PELO: variants seen among roughly 807,000 people sequenced by gnomAD.
The protein encoded by PELO is protein pelota homolog.
Under a neutral mutation model 25.9 loss-of-function variants are expected in PELO, and 19 were observed. That is an observed-to-expected ratio of 0.73 (90% CI 0.51 to 1.08). The LOEUF is 1.08. Among genes scored for constraint, PELO ranks in the 50% least tolerant of loss-of-function variants. PELO has a pLI of 0.00. For synonymous variants in PELO, 196 were observed against 192.2 expected, an observed-to-expected ratio of 1.02 and a Z score of -0.16; for missense variants, 498 against 491.4, an observed-to-expected ratio of 1.01 and a Z score of -0.13.
rs1748519626 is a variant in PELO at position 52,803,063 on chromosome 5, A to G, written c.*1223A>G. On this transcript the variant is annotated 3_prime_UTR_variant, in exon 3 of 3. Coordinates refer to ENST00000274311, the MANE Select transcript of PELO (RefSeq NM_015946.5). Reference sequence around the variant, plus strand: ...AGGAACGATCTAATAGTGATGATACAGTTTTTAACTGCTGGATCAGCGACG... The same window carrying G: ...AGGAACGATCTAATAGTGATGATACGGTTTTTAACTGCTGGATCAGCGACG... 6.6e-6 allele frequency: 1 copy of G among 152,218 alleles called. No homozygotes were observed. Among genetic ancestry groups the G allele is most frequent in the South Asian group, 2.1e-4 (1 of 4,836 alleles). 9.4% of individuals were successfully genotyped at this position (152,218 alleles called of 1,614,324 possible).
At position 52,800,400 on chromosome 5, in the gene PELO, G is replaced by A. The variant is rs1561211512; in HGVS notation, c.6G>A (p.Lys2=). The A allele has an allele frequency of 2.5e-6, 4 of 1,613,888 alleles. No individual in the cohort carries two copies. Among genetic ancestry groups the A allele is most frequent in the Non-Finnish European group, 3.4e-6 (4 of 1,180,016 alleles). M[K]LVRKNIEKDN... ...AGTGAGCCCCTTCCTTGGCCATGAAGCTCGTGAGGAAGAACATCGAGAAGG... is the reference window on the plus strand; with the variant it reads ...AGTGAGCCCCTTCCTTGGCCATGAAACTCGTGAGGAAGAACATCGAGAAGG... Residue 2 remains lysine (K), a synonymous_variant, in exon 2 of 3, where the codon AAG becomes AAA. Transcript: ENST00000274311.
At chr5:52,792,015 A>T (rs2111641609) in intron 1 of PELO, among the ~76,000 whole-genome samples, 1 of 152,312 alleles carries the variant, frequency 6.6e-6, no homozygotes, top group African/African-American at 2.4e-5. Context: ...TAGTTGTCTA[A>T]AATACTTGGA....
intron 1 of PELO, among the ~76,000 whole-genome samples, chr5:52,796,266 A>C (rs1318669845): frequency 1.2e-4 from 18 of 151,860 alleles, no homozygotes; most frequent in Non-Finnish European, 2.7e-4. Flanking sequence ...GAGACACTGG[A>C]AGTGTCTCAA....
At position 52,803,325 on chromosome 5, in the gene PELO, TGA is replaced by T. The variant is rs1748526038; in HGVS notation, c.*1487_*1488del. The T allele has an allele frequency of 1.3e-5, 1 of 79,354 alleles. No individual in the cohort carries two copies. The highest frequency in any genetic ancestry group is 3.5e-5 in the Non-Finnish European group (1 of 28,460). The allele number at this position is 79,354 out of a possible 1,614,324, so 4.9% of individuals were successfully genotyped here. On this transcript the variant is annotated 3_prime_UTR_variant, in exon 3 of 3. Coordinates refer to ENST00000274311, the MANE Select transcript of PELO (RefSeq NM_015946.5). ...AGATTGTCATTTCATTATAATTCCG[TGA>T]GTATCTTTAAATTACTATCAAATAT...
At chr5:52,791,500 C>T (rs1408913435) in intron 1 of PELO, among the ~76,000 whole-genome samples, 1 of 152,148 alleles carries the variant, frequency 6.6e-6, no homozygotes, top group Non-Finnish European at 1.5e-5. Context: ...CCTTTCCTCC[C>T]ACCCTCTGAT....
chr5:52,799,569 T>C (rs1417452771), intron 1 of PELO, among the ~76,000 whole-genome samples: 3 of 152,206 alleles, frequency 2.0e-5, no homozygotes, highest in African/African-American at 7.2e-5. Flanking sequence ...TCTGGGTGAA[T>C]CAGATCGTGC....
chr5:52,797,197 C>A (rs17209760), intron 1 of PELO, among the ~76,000 whole-genome samples: 12 of 151,728 alleles, frequency 7.9e-5, no homozygotes, highest in Non-Finnish European at 1.3e-4. Context: ...AAAAAGTTCC[C>A]AACTATTGCA....
chr5:52,800,277 T>A lies in PELO; in HGVS notation c.-118T>A. The A allele has an allele frequency of 9.6e-7, 1 of 1,038,054 alleles. No individual in the cohort carries two copies. Among genetic ancestry groups the A allele is most frequent in the African/African-American group, 1.6e-5 (1 of 63,058 alleles). The allele number at this position is 1,038,054 out of a possible 1,614,324, so 64.3% of individuals were successfully genotyped here. Reference sequence around the variant, plus strand: ...GCGTGTTTCCTTCCCGCCAGGCAAGTGCCCTTAGAAACCGGGCCCCGCCCC... The same window carrying A: ...GCGTGTTTCCTTCCCGCCAGGCAAGAGCCCTTAGAAACCGGGCCCCGCCCC... On this transcript the variant is annotated 5_prime_UTR_variant, in exon 2 of 3. Coordinates refer to ENST00000274311, the MANE Select transcript of PELO (RefSeq NM_015946.5).
chr5:52,800,107 C>T lies in PELO; in HGVS notation c.-288C>T. ...GCGCATGCGCCTTCATTTCGTCAGC[C>T]CGCTGTTGCGTGCTGCCAGCGGGAA... On this transcript the variant is annotated 5_prime_UTR_variant, in exon 2 of 3. Transcript: ENST00000274311. 2.6e-6 allele frequency: 1 copy of T among 384,998 alleles called. No individual in the cohort carries two copies. The highest frequency in any genetic ancestry group is 4.8e-6 in the Non-Finnish European group (1 of 210,222). 23.8% of individuals were successfully genotyped at this position (384,998 alleles called of 1,614,324 possible).
intron 1 of PELO, 25 bp downstream of exon 1, chr5:52,788,439 C>A (rs1318729636): frequency 1.3e-6 from 2 of 1,491,018 alleles, no homozygotes; most frequent in African/African-American, 2.9e-5. Context: ...TTTCTCTGAG[C>A]ATCTCCTGCT....
At chr5:52,789,390 T>C (rs962605564) in intron 1 of PELO, among the ~76,000 whole-genome samples, 6 of 152,184 alleles carry the variant, frequency 3.9e-5, no homozygotes, top group African/African-American at 1.4e-4. Context: ...TGGTTATTAG[T>C]ACTAGTTAAT....
chr5:52,791,701 G>C (rs771797289), intron 1 of PELO, among the ~76,000 whole-genome samples: 1 of 151,546 alleles, frequency 6.6e-6, no homozygotes, highest in Non-Finnish European at 1.5e-5. Context: ...TTTACTAATT[G>C]ATCACAAGCA....
At chr5:52,798,737 G>A (rs1748395109) in intron 1 of PELO, among the ~76,000 whole-genome samples, 1 of 152,184 alleles carries the variant, frequency 6.6e-6, no homozygotes, top group Non-Finnish European at 1.5e-5. Context: ...TTTGTGTCAG[G>A]AGGGCAGAGG....
Position 52,802,373 on chromosome 5 carries a change from A to G in PELO, c.*533A>G, listed in dbSNP as rs915631638. 1 of 152,194 alleles carries G rather than the reference A, an allele frequency of 6.6e-6. No individual in the cohort carries two copies. Among genetic ancestry groups the G allele is most frequent in the Admixed American group, 6.5e-5 (1 of 15,280 alleles). The allele number at this position is 152,194 out of a possible 1,614,324, so 9.4% of individuals were successfully genotyped here. On this transcript the variant is annotated 3_prime_UTR_variant, in exon 3 of 3. Transcript: ENST00000274311. ...TAAATGATTGCCGTACAATTAGTAGACTTGAAGACAAGTTTTAAATATTTT... is the reference window on the plus strand; with the variant it reads ...TAAATGATTGCCGTACAATTAGTAGGCTTGAAGACAAGTTTTAAATATTTT...
Position 52,801,122 on chromosome 5 carries a change from T to TA in PELO, c.726+6dup, listed in dbSNP as rs1205712720. 1.3e-6 allele frequency: 2 copies of TA among 1,592,572 alleles called. No individual in the cohort carries two copies. The highest frequency in any genetic ancestry group is 1.7e-6 in the Non-Finnish European group (2 of 1,168,256). On this transcript the variant is annotated splice_region_variant and intron_variant, in intron 2 of 2. Coordinates refer to ENST00000274311, the MANE Select transcript of PELO (RefSeq NM_015946.5). ...GAAAACCGGTCCAAATTTCTTCAGGTAAAACAATCTTACCCAGGGATAATT... is the reference window on the plus strand; with the variant it reads ...GAAAACCGGTCCAAATTTCTTCAGGTAAAAACAATCTTACCCAGGGATAATT...
rs1748492726 is a variant in PELO at position 52,801,763 on chromosome 5, G to A, written c.1081G>A (p.Gly361Arg). Reference protein sequence around the residue: ...VSGEQLSQLTGVAAILRFPVP... With the variant: ...VSGEQLSQLTRVAAILRFPVP... ...TGGGGAACAGCTCAGCCAGTTGACT[G>A]GGGTAGCTGCCATTCTCCGCTTCCC... Residue 361 changes from glycine to arginine, a missense_variant, in exon 3 of 3, where the codon GGG becomes AGG. Gly to Arg is a moderately radical substitution (Grantham distance 125). Transcript: ENST00000274311. 3 of 1,614,058 alleles carry A rather than the reference G, an allele frequency of 1.9e-6. No homozygotes were observed. The highest frequency in any genetic ancestry group is 2.5e-6 in the Non-Finnish European group (3 of 1,179,940).
chr5:52,793,955 A>G (rs1445225091), intron 1 of PELO, among the ~76,000 whole-genome samples: 2 of 152,096 alleles, frequency 1.3e-5, no homozygotes, highest in Non-Finnish European at 2.9e-5. Flanking sequence ...GTATATAGGA[A>G]GAAGACTAAT....
At chr5:52,791,597 T>C (rs575975963) in intron 1 of PELO, among the ~76,000 whole-genome samples, 4 of 152,168 alleles carry the variant, frequency 2.6e-5, no homozygotes, top group Non-Finnish European at 4.4e-5. Flanking sequence ...AATAACAGAA[T>C]AGCTAGCACA....
rs200636575 is a variant in PELO, at chr5:52,800,779, T to C, written c.385T>C (p.Cys129Arg). ...GGTACTGGAGCGCATCGAGCAGGCC[T>C]GTGACCCAGCCTGGAGCGCTGATGT... ...SVVLERIEQA[C>R]DPAWSADVAA... The change falls in exon 2 of 3, where the codon TGT becomes CGT. Residue 129 changes from cysteine (C) to arginine (R), a missense_variant. Coordinates refer to ENST00000274311, the MANE Select transcript of PELO (RefSeq NM_015946.5). 1.9e-6 allele frequency: 3 copies of C among 1,614,000 alleles called. No individual in the cohort carries two copies. The highest frequency in any genetic ancestry group is 4.5e-5 in the East Asian group (2 of 44,870).
Sources: gnomAD v4.1 joint callset for allele counts (sites outside exome capture counted in the v4.1 genomes callset) on GRCh38, gnomAD v4.1.1 for gene constraint, MANE v1.5 for transcripts, NCBI Gene and HGNC (gene_info 2026-07-23, HGNC 2026-07-21) for gene names.